The following SNAP23 variants were observed in gnomAD, a reference collection of about 807,000 sequenced individuals.
SNAP23 encodes the protein synaptosomal-associated protein 23.
SNAP23 carries 11 observed loss-of-function variants against 29.0 expected under a neutral mutation model. The ratio of observed to expected loss-of-function variants is 0.38; its 90% CI spans 0.24 to 0.63. The LOEUF (loss-of-function observed/expected upper bound fraction) is 0.63, where lower values mean the gene tolerates loss of function less well. Among genes scored for constraint, SNAP23 ranks in the 20% least tolerant of loss-of-function variants. The pLI is 0.58. For synonymous variants in SNAP23, 60 were observed against 82.9 expected, an observed-to-expected ratio of 0.72 and a Z score of 1.50; for missense variants, 220 against 253.9, an observed-to-expected ratio of 0.87 and a Z score of 0.91.
intron 1 of SNAP23, among the ~76,000 whole-genome samples, chr15:42,504,746 A>C (rs2057304025): frequency 6.6e-6 from 1 of 152,218 alleles, no homozygotes; most frequent in Non-Finnish European, 1.5e-5. Context: ...TTAGGTAATT[A>C]ACTTGGGGTC....
intron 1 of SNAP23, among the ~76,000 whole-genome samples, chr15:42,505,846 G>A (rs1039737858): frequency 5.3e-5 from 8 of 151,534 alleles, no homozygotes; most frequent in East Asian, 1.9e-4. Flanking sequence ...GTGAGCCACC[G>A]CACCTGGCCT....
chr15:42,494,372 T>A (rs374682277), upstream of SNAP23, among the ~76,000 whole-genome samples: 1 of 150,720 alleles, frequency 6.6e-6, no homozygotes, highest in African/African-American at 2.4e-5. Context: ...CCCTTAGGAA[T>A]AGACTACTTA....
upstream of SNAP23, among the ~76,000 whole-genome samples, chr15:42,491,750 TA>T (rs1455339007): frequency 6.6e-6 from 1 of 152,220 alleles, no homozygotes; most frequent in African/African-American, 2.4e-5. Context: ...AAGGTATTTA[TA>T]ATATTTTTTA....
intron 1 of SNAP23, among the ~76,000 whole-genome samples, chr15:42,502,943 A>G (rs2057286524): frequency 6.6e-6 from 1 of 152,172 alleles, no homozygotes; most frequent in African/African-American, 2.4e-5. Flanking sequence ...GTGCTTCTGT[A>G]AAACTGAAGT....
chr15:42,505,176 C>G (rs1363867472), intron 1 of SNAP23: 4 of 151,526 alleles, frequency 2.6e-5, no homozygotes, highest in African/African-American at 9.7e-5. Context: ...CTCACTGCAG[C>G]CTCTGCCTCC....
At chr15:42,514,609 A>G (rs1231590171) in intron 4 of SNAP23, among the ~76,000 whole-genome samples, 1 of 152,032 alleles carries the variant, frequency 6.6e-6, no homozygotes, top group Non-Finnish European at 1.5e-5. Context: ...TATTATAGAA[A>G]TGATGGGGAT....
intron 1 of SNAP23, among the ~76,000 whole-genome samples, chr15:42,498,685 T>G (rs1299679960): frequency 6.6e-6 from 1 of 152,254 alleles, no homozygotes; most frequent in Non-Finnish European, 1.5e-5. Flanking sequence ...CTGGCTTAAA[T>G]TTCTTCTCTT....
intron 1 of SNAP23, among the ~76,000 whole-genome samples, chr15:42,499,708 G>C (rs944898534): frequency 2.0e-5 from 3 of 152,016 alleles, no homozygotes; most frequent in Non-Finnish European, 4.4e-5. Flanking sequence ...TCAGCACTTT[G>C]GAAGATACTG....
At chr15:42,526,093 C>G (rs1031109187) in intron 5 of SNAP23, among the ~76,000 whole-genome samples, 2 of 152,170 alleles carry the variant, frequency 1.3e-5, no homozygotes, top group African/African-American at 4.8e-5. Context: ...TTCTCTCTTG[C>G]ACCTGTTCCA....
intron 1 of SNAP23, among the ~76,000 whole-genome samples, chr15:42,507,120 A>T (rs1168882590): frequency 6.6e-6 from 1 of 152,182 alleles, no homozygotes; most frequent in Non-Finnish European, 1.5e-5. Context: ...TCCCAGCTCC[A>T]GAAAGACTCT....
At chr15:42,530,667 T>C (rs1566822024) in intron 7 of SNAP23, among the ~76,000 whole-genome samples, 1 of 152,176 alleles carries the variant, frequency 6.6e-6, no homozygotes, top group Admixed American at 6.5e-5. Context: ...GAAGGATTGC[T>C]TGAGTGTAGG....
At chr15:42,524,882 G>A (rs1450720329) in intron 5 of SNAP23, among the ~76,000 whole-genome samples, 1 of 152,198 alleles carries the variant, frequency 6.6e-6, no homozygotes, top group Non-Finnish European at 1.5e-5. Flanking sequence ...ACTCCAGGGT[G>A]ATGGCCAGTA....
At chr15:42,495,220 A>G (rs1487041874), upstream of SNAP23, 1 of 152,166 alleles carries the variant, frequency 6.6e-6, no homozygotes, top group East Asian at 1.9e-4. Context: ...ACCCTTCCAG[A>G]CACCCCTAAG....
intron 1 of SNAP23, among the ~76,000 whole-genome samples, chr15:42,498,533 G>A (rs759128853): frequency 2.6e-5 from 4 of 152,150 alleles, no homozygotes; most frequent in Admixed American, 6.6e-5. Context: ...GGCTGCCCAC[G>A]AAACCATTTT....
chr15:42,512,918 A>G (rs376712193), intron 2 of SNAP23, 37 bp from the exon 3 acceptor site: 7 of 1,538,764 alleles, frequency 4.5e-6, no homozygotes, highest in East Asian at 2.2e-5. Context: ...TTTTTTCTAC[A>G]TATTTTGGAA....
intron 5 of SNAP23, among the ~76,000 whole-genome samples, chr15:42,515,886 T>C (rs923543865): frequency 6.6e-6 from 1 of 152,152 alleles, no homozygotes; most frequent in Non-Finnish European, 1.5e-5. Flanking sequence ...GAGCATCTTA[T>C]AGAAGAGGTA....
upstream of SNAP23, among the ~76,000 whole-genome samples, chr15:42,492,438 G>A (rs1368684206): frequency 6.6e-6 from 1 of 151,974 alleles, no homozygotes; most frequent in Non-Finnish European, 1.5e-5. Flanking sequence ...CCAGCACTTT[G>A]GGAGGACGAG....
In SNAP23 at chr15:42,508,359, T is replaced by A. The variant is rs2057331469; in HGVS notation, c.-14-3474T>A. On this transcript the variant is annotated intron_variant, in intron 1 of 7. Transcript: ENST00000249647. Reference sequence around the variant, plus strand: ...GAGGGCGGACTTTTATATCTGCAGGTTCCTCAGGGCCAATTGGTATCCACA... The same window carrying A: ...GAGGGCGGACTTTTATATCTGCAGGATCCTCAGGGCCAATTGGTATCCACA... Among the ~76,000 whole-genome samples, 3 of 152,076 alleles carry A rather than the reference T, an allele frequency of 2.0e-5. No homozygotes were observed. The South Asian group carries it at 6.2e-4, about 31-fold the overall frequency.
intron 1 of SNAP23, among the ~76,000 whole-genome samples, chr15:42,499,426 T>C (rs2057249950): frequency 6.6e-6 from 1 of 152,278 alleles, no homozygotes; most frequent in South Asian, 2.1e-4. Flanking sequence ...AGAAAGAAAG[T>C]AAACAAAAAC....
Sources: gnomAD v4.1 joint callset for allele counts (sites outside exome capture counted in the v4.1 genomes callset) on GRCh38, gnomAD v4.1.1 for gene constraint, MANE v1.5 for transcripts, NCBI Gene and HGNC (gene_info 2026-07-23, HGNC 2026-07-21) for gene names.